Variants in CNTN5 observed in about 807,000 individuals in gnomAD.
CNTN5 encodes contactin-5.
Under a neutral mutation model 129.1 loss-of-function variants are expected in CNTN5, and 77 were observed. The ratio of observed to expected loss-of-function variants is 0.60; its 90% CI spans 0.50 to 0.72. The LOEUF is 0.72. Among genes scored for constraint, CNTN5 ranks in the 30% least tolerant of loss-of-function variants. CNTN5 has a pLI of 0.00. For synonymous variants in CNTN5, 509 were observed against 465.6 expected, an observed-to-expected ratio of 1.09 and a Z score of -1.20; for missense variants, 1,478 against 1,328.8, an observed-to-expected ratio of 1.11 and a Z score of -1.75.
chr11:100,016,654 G>A (rs1194488748), intron 9 of CNTN5, among the ~76,000 whole-genome samples: 2 of 151,864 alleles, frequency 1.3e-5, no homozygotes, highest in Non-Finnish European at 2.9e-5. Flanking sequence ...TATGTACATG[G>A]TGGCATTTGC....
At chr11:99,782,812 T>A (rs913326474) in intron 3 of CNTN5, among the ~76,000 whole-genome samples, 1 of 151,778 alleles carries the variant, frequency 6.6e-6, no homozygotes, top group Non-Finnish European at 1.5e-5. Context: ...CCTTACACCT[T>A]ATACAAAAAT....
chr11:100,117,743 T>TG (rs1945886489), intron 13 of CNTN5, among the ~76,000 whole-genome samples: 1 of 151,748 alleles, frequency 6.6e-6, no homozygotes, highest in South Asian at 2.1e-4. Flanking sequence ...ATTTTTTTTT[T>TG]TGTAAAGAAT....
intron 1 of CNTN5, among the ~76,000 whole-genome samples, chr11:99,075,880 T>A (rs1487654212): frequency 6.6e-6 from 1 of 152,206 alleles, no homozygotes; most frequent in Non-Finnish European, 1.5e-5. Context: ...GTGAAAAAGA[T>A]ACAATTATGA....
intron 3 of CNTN5, among the ~76,000 whole-genome samples, chr11:99,680,881 A>G (rs1565420761): frequency 6.6e-6 from 1 of 151,428 alleles, no homozygotes. Context: ...TAAATTAAAA[A>G]CCTTTTGATA....
At chr11:99,323,158 A>T (rs933000498) in intron 1 of CNTN5, among the ~76,000 whole-genome samples, 4 of 152,132 alleles carry the variant, frequency 2.6e-5, no homozygotes, top group African/African-American at 7.2e-5. Context: ...ATTTCTTAAG[A>T]TTTTTATTAT....
chr11:99,540,799 T>G (rs1045200138), intron 2 of CNTN5, among the ~76,000 whole-genome samples: 1 of 152,154 alleles, frequency 6.6e-6, no homozygotes, highest in Non-Finnish European at 1.5e-5. Flanking sequence ...ATGATAGATG[T>G]ACAGGTGCTC....
rs534613201 is a variant in CNTN5, at chr11:99,903,818, A to G, written c.578-12236A>G. ...ATATCCAAGGAACTGAAATAACTCA[A>G]TAGCAGAAAAACAAATAATCTGATT... On this transcript the variant is annotated intron_variant, in intron 6 of 24. Coordinates refer to ENST00000524871, the MANE Select transcript of CNTN5 (RefSeq NM_014361.4). 3.9e-5 allele frequency among the ~76,000 whole-genome samples: 6 copies of G among 152,338 alleles called. 1 individual carries two copies. The South Asian group carries it at 1.2e-3, about 32-fold the overall frequency.
At chr11:99,696,470 T>C (rs1052375138) in intron 3 of CNTN5, among the ~76,000 whole-genome samples, 3 of 152,056 alleles carry the variant, frequency 2.0e-5, no homozygotes, top group African/African-American at 4.8e-5. Flanking sequence ...CAGAGTGGAA[T>C]TGATCTAATC....
intron 3 of CNTN5, among the ~76,000 whole-genome samples, chr11:99,733,910 A>C (rs552648337): frequency 3.3e-4 from 51 of 152,292 alleles, no homozygotes; most frequent in Non-Finnish European, 6.2e-4. Context: ...GAGCCAGTTC[A>C]CCCAGGAGAA....
At chr11:99,054,310 G>GA (rs779214617) in intron 1 of CNTN5, among the ~76,000 whole-genome samples, 84 of 150,360 alleles carry the variant, frequency 5.6e-4, no homozygotes, top group Admixed American at 1.0e-3. Context: ...TTCACAGAGA[G>GA]AAAAAAAAAG....
chr11:99,905,426 G>A (rs763726820), intron 6 of CNTN5, among the ~76,000 whole-genome samples: 2 of 152,092 alleles, frequency 1.3e-5, no homozygotes, highest in Non-Finnish European at 2.9e-5. Flanking sequence ...TTTTTGTCAG[G>A]TTTCTCAAAG....
chr11:99,046,060 C>T (rs1054979415), intron 1 of CNTN5, among the ~76,000 whole-genome samples: 1 of 152,106 alleles, frequency 6.6e-6, no homozygotes. Flanking sequence ...GGAGTGAGAC[C>T]TGGTGCGGTG....
rs1016448841 is a variant in CNTN5 at position 99,316,619 on chromosome 11, C to T, written c.-209-8727C>T. On this transcript the variant is annotated intron_variant, in intron 1 of 24. Transcript: ENST00000524871. ...GAGGATTGGGGAACAAATTTTAATT[C>T]AAGCCATTTTCTCCCAGGGCACACA... 4.0e-5 allele frequency among the ~76,000 whole-genome samples: 6 copies of T among 151,772 alleles called. No individual in the cohort carries two copies. The South Asian group carries it at 1.2e-3, about 31-fold the overall frequency.
rs142661728 is a variant in CNTN5, at chr11:99,279,039, G to A, written c.-209-46307G>A. On this transcript the variant is annotated intron_variant, in intron 1 of 24. Coordinates refer to ENST00000524871, the MANE Select transcript of CNTN5 (RefSeq NM_014361.4). ...GACATATTATAATGAAGAATCCAGG[G>A]GATTAAACACCACTATAAAAACATA... Among the ~76,000 whole-genome samples the A allele has an allele frequency of 2.3e-3, 351 of 151,684 alleles. 1 individual carries two copies. Among genetic ancestry groups the A allele is most frequent in the African/African-American group, 8.0e-3 (330 of 41,444 alleles).
intron 1 of CNTN5, among the ~76,000 whole-genome samples, chr11:99,032,607 T>C (rs1399649853): frequency 6.6e-6 from 1 of 152,160 alleles, no homozygotes; most frequent in Non-Finnish European, 1.5e-5. Context: ...CACTTTTTGA[T>C]GGGGTTGTTT....
At chr11:100,032,205 A>G (rs1013407373) in intron 9 of CNTN5, among the ~76,000 whole-genome samples, 1 of 152,208 alleles carries the variant, frequency 6.6e-6, no homozygotes, top group Admixed American at 6.5e-5. Context: ...TTCTGAGAGT[A>G]TCACTATGAC....
chr11:99,029,619 A>G (rs1863267155), intron 1 of CNTN5, among the ~76,000 whole-genome samples: 1 of 152,172 alleles, frequency 6.6e-6, no homozygotes, highest in African/African-American at 2.4e-5. Flanking sequence ...TGTGTAGGAA[A>G]ACAGTAGGAA....
intron 13 of CNTN5, among the ~76,000 whole-genome samples, chr11:100,180,356 A>G (rs1169383536): frequency 3.9e-5 from 6 of 151,996 alleles, no homozygotes; most frequent in South Asian, 2.1e-4. Flanking sequence ...AAGTAATTCA[A>G]TGGAAAAAGG....
intron 2 of CNTN5, among the ~76,000 whole-genome samples, chr11:99,462,895 A>G (rs1201335265): frequency 2.0e-5 from 3 of 151,916 alleles, no homozygotes; most frequent in African/African-American, 7.3e-5. Context: ...GACCAGCCGG[A>G]TAAACACGGT....
Sources: allele counts gnomAD v4.1 joint callset (sites outside exome capture counted in the v4.1 genomes callset), GRCh38; gene constraint gnomAD v4.1.1; transcripts MANE v1.5; gene names NCBI Gene and HGNC (gene_info 2026-07-23, HGNC 2026-07-21).